The following KIAA1549 variants were observed in gnomAD, a reference collection of about 807,000 sequenced individuals.
The protein encoded by KIAA1549 is UPF0606 protein KIAA1549.
In KIAA1549, 70 loss-of-function variants were observed where a neutral mutation model predicts 156.4. The ratio of observed to expected loss-of-function variants is 0.45; its 90% CI spans 0.37 to 0.55. The LOEUF (loss-of-function observed/expected upper bound fraction) is 0.55. Ranked by LOEUF, KIAA1549 falls within the 20% of genes least tolerant of loss-of-function variation. The probability of loss-of-function intolerance (pLI) is 0.00; values close to 1 mark genes in which losing one functional copy is unlikely to be tolerated. For missense variants in KIAA1549, 2,428 were observed against 2,540.9 expected, an observed-to-expected ratio of 0.96 and a Z score of 0.96; for synonymous variants, 1,103 against 1,066.4, an observed-to-expected ratio of 1.03 and a Z score of -0.67.
chr7:138,898,940 AC>A lies in KIAA1549; in HGVS notation c.3847+14del, dbSNP rs541855481. 1,135 of 1,613,306 alleles carry A rather than the reference AC, an allele frequency of 7.0e-4. 6 individuals carry two copies. The highest frequency in any genetic ancestry group is 6.6e-4 in the South Asian group (60 of 91,056). On this transcript the variant is annotated intron_variant, in intron 9 of 19. Transcript: ENST00000422774. ...AGCACAGCACAGCACAGACGACAACACCTCAGGCACTTACGCTGGGCAATGA... is the reference window on the plus strand; with the variant it reads ...AGCACAGCACAGCACAGACGACAACACTCAGGCACTTACGCTGGGCAATGA...
intron 1 of KIAA1549, among the ~76,000 whole-genome samples, chr7:138,950,442 G>C (rs1813461402): frequency 6.6e-6 from 1 of 152,220 alleles, no homozygotes; most frequent in African/African-American, 2.4e-5. Flanking sequence ...AAGGAGTTGA[G>C]AGCCTTCACT....
chr7:138,910,356 A>G (rs886817762), intron 4 of KIAA1549, among the ~76,000 whole-genome samples: 7 of 151,442 alleles, frequency 4.6e-5, no homozygotes, highest in Non-Finnish European at 1.0e-4. Flanking sequence ...TGGGCAACTT[A>G]GGAAGACCCC....
At chr7:138,933,088 C>A (rs1295104133) in intron 1 of KIAA1549, among the ~76,000 whole-genome samples, 1 of 152,034 alleles carries the variant, frequency 6.6e-6, no homozygotes, top group Non-Finnish European at 1.5e-5. Flanking sequence ...CTGGCATGCA[C>A]GTTTCTCGTG....
chr7:138,864,385 G>A (rs1584713239), intron 15 of KIAA1549, among the ~76,000 whole-genome samples: 1 of 152,116 alleles, frequency 6.6e-6, no homozygotes, highest in African/African-American at 2.4e-5. Flanking sequence ...AATGGCCCCC[G>A]TGAATCCTGC....
Position 138,861,188 on chromosome 7 carries a change from T to C in KIAA1549, c.5198A>G (p.Gln1733Arg), listed in dbSNP as rs946277260. The C allele has an allele frequency of 1.3e-5, 21 of 1,613,788 alleles. No individual in the cohort carries two copies. In the East Asian group the frequency reaches 4.7e-4, roughly 36 times the overall value. ...GGCTGGGCTGTAGAAGGACCCCCAC[T>C]GGGTGGCTCGCCTCTCTTCCTGGGA... is the stretch of plus-strand genomic sequence containing the variant. ...TPSQEERRAT[Q>R]WGSFYSPAQT... The change falls in exon 16 of 20, where the codon CAG (glutamine) becomes CGG (arginine). Residue 1733 changes from glutamine to arginine, a missense_variant. Gln to Arg is a conservative substitution (Grantham distance 43). Transcript: ENST00000422774.
chr7:138,893,400 C>T (rs1811597215), intron 10 of KIAA1549, among the ~76,000 whole-genome samples: 1 of 151,556 alleles, frequency 6.6e-6, no homozygotes, highest in African/African-American at 2.4e-5. Context: ...TATTAAAAAT[C>T]GAGAGAACTT....
Position 138,934,142 on chromosome 7 carries a change from G to C in KIAA1549, c.188-14704C>G, listed in dbSNP as rs542923165. Among the ~76,000 whole-genome samples, 4 of 152,270 alleles carry C rather than the reference G, an allele frequency of 2.6e-5. No individual in the cohort carries two copies. In the South Asian group the frequency reaches 8.3e-4, roughly 32 times the overall value. On this transcript the variant is annotated intron_variant, in intron 1 of 19. Transcript: ENST00000422774. Reference sequence around the variant, plus strand: ...ATGACATCAAAAGGGCGAGAGCACTGCTGATGGAGTAATGCAAAAGTAATG... The same window carrying C: ...ATGACATCAAAAGGGCGAGAGCACTCCTGATGGAGTAATGCAAAAGTAATG...
At chr7:138,969,522 TTTG>T (rs1214367666) in intron 1 of KIAA1549, among the ~76,000 whole-genome samples, 1 of 151,216 alleles carries the variant, frequency 6.6e-6, no homozygotes, top group Non-Finnish European at 1.5e-5. Flanking sequence ...TTTGCAAAAA[TTTG>T]TTTATTTTCA....
intron 1 of KIAA1549, among the ~76,000 whole-genome samples, chr7:138,952,976 G>C (rs182830372): frequency 6.6e-6 from 1 of 152,198 alleles, no homozygotes; most frequent in Non-Finnish European, 1.5e-5. Context: ...GGATTTACCC[G>C]TAAGGACAAA....
At chr7:138,907,322 T>G (rs1176617162) in intron 5 of KIAA1549, among the ~76,000 whole-genome samples, 1 of 152,214 alleles carries the variant, frequency 6.6e-6, no homozygotes, top group African/African-American at 2.4e-5. Context: ...TGAGCACATG[T>G]ACAGCTCCTC....
At chr7:138,909,515 G>A (rs1426999072) in intron 4 of KIAA1549, among the ~76,000 whole-genome samples, 1 of 152,054 alleles carries the variant, frequency 6.6e-6, no homozygotes, top group African/African-American at 2.4e-5. Context: ...CGTTCACAGG[G>A]GATAGATGAA....
intron 1 of KIAA1549, among the ~76,000 whole-genome samples, chr7:138,980,594 CG>C (rs1814515509): frequency 6.6e-6 from 1 of 152,190 alleles, no homozygotes; most frequent in African/African-American, 2.4e-5. Context: ...TCCTGCTGTA[CG>C]GGGGGACACG....
chr7:138,887,582 ACCTTC>A (rs920344006), intron 10 of KIAA1549, among the ~76,000 whole-genome samples: 34 of 151,908 alleles, frequency 2.2e-4, no homozygotes, highest in African/African-American at 7.5e-4. Context: ...TCCCCCTCCC[ACCTTC>A]CCTTTCCCAA....
In KIAA1549 at chr7:138,832,065, GA is replaced by G. The variant is rs1809548139; in HGVS notation, c.*5840del. The G allele has an allele frequency of 4.4e-6, 1 of 229,416 alleles. No individual in the cohort carries two copies. The highest frequency in any genetic ancestry group is 8.6e-6 in the Non-Finnish European group (1 of 115,822). 14.2% of individuals were successfully genotyped at this position (229,416 alleles called of 1,614,324 possible). A position where few individuals can be genotyped will look rare whatever the true frequency, so the allele number is the denominator to read the frequency against. On this transcript the variant is annotated 3_prime_UTR_variant, in exon 20 of 20. Transcript: ENST00000422774. ...TTAGGGAGTCAAGTTATGAATACTT[GA>G]AATCTGGTAAGTACAGGAAAGACTA...
chr7:138,915,446 G>A (rs762187846), intron 2 of KIAA1549, among the ~76,000 whole-genome samples: 10 of 151,928 alleles, frequency 6.6e-5, no homozygotes, highest in African/African-American at 1.2e-4. Flanking sequence ...TCCCTTTGGC[G>A]TGTGGGGAGC....
intron 9 of KIAA1549, among the ~76,000 whole-genome samples, chr7:138,895,195 T>C (rs1005603067): frequency 6.6e-6 from 1 of 152,246 alleles, no homozygotes; most frequent in Non-Finnish European, 1.5e-5. Flanking sequence ...AATGATCAAG[T>C]AAATGAATCA....
intron 1 of KIAA1549, among the ~76,000 whole-genome samples, chr7:138,962,227 T>C (rs1458518802): frequency 6.6e-6 from 1 of 152,240 alleles, no homozygotes; most frequent in Non-Finnish European, 1.5e-5. Flanking sequence ...TACCTATTAT[T>C]ATGTCTACTA....
chr7:138,971,161 G>A (rs1814210507), intron 1 of KIAA1549, among the ~76,000 whole-genome samples: 1 of 152,130 alleles, frequency 6.6e-6, no homozygotes, highest in South Asian at 2.1e-4. Context: ...GACCAAGACT[G>A]GCCTTCCAAC....
intron 16 of KIAA1549, among the ~76,000 whole-genome samples, chr7:138,855,763 G>T (rs1232434078): frequency 6.6e-6 from 1 of 152,094 alleles, no homozygotes; most frequent in Non-Finnish European, 1.5e-5. Context: ...TAATTCCTGT[G>T]TCCCTAATCT....
Sources: allele counts gnomAD v4.1 joint callset (sites outside exome capture counted in the v4.1 genomes callset), GRCh38; gene constraint gnomAD v4.1.1; transcripts MANE v1.5; gene names NCBI Gene and HGNC (gene_info 2026-07-23, HGNC 2026-07-21).